The following RAB7B variants were observed in gnomAD, a reference collection of about 807,000 sequenced individuals.
The protein encoded by RAB7B is RAB7B, member RAS oncogene family.
intron 1 of RAB7B, among the ~76,000 whole-genome samples, chr1:205,996,143 A>AGTGTGTGTGTGT (rs1182397777): frequency 2.1e-5 from 3 of 142,904 alleles, no homozygotes; most frequent in Admixed American, 7.0e-5. Flanking sequence ...GTAAATGTAT[A>AGTGTGTGTGTGT]GTGTGTGTGT....
rs1660520207 is a variant in RAB7B at position 205,982,825 on chromosome 1, TA to T, written c.522+2714del. 2.6e-5 allele frequency among the ~76,000 whole-genome samples: 4 copies of T among 152,234 alleles called. No homozygotes were observed. The South Asian group carries it at 8.3e-4, about 32-fold the overall frequency. Reference sequence around the variant, plus strand: ...TCCCTGGGAAGGAAGGCAAGTTCCTTATAGGAAATGCCTCTGAAAACTTTTC... The same window carrying T: ...TCCCTGGGAAGGAAGGCAAGTTCCTTTAGGAAATGCCTCTGAAAACTTTTC... On this transcript the variant is annotated intron_variant, in intron 5 of 5. Transcript: ENST00000617070.
chr1:205,980,733 G>T (rs1349411380), intron 5 of RAB7B, among the ~76,000 whole-genome samples: 8 of 152,182 alleles, frequency 5.3e-5, no homozygotes, highest in African/African-American at 1.9e-4. Flanking sequence ...AAAGAACTGG[G>T]CCTCTAGGCA....
chr1:205,988,000 C>T (rs1660643629), intron 4 of RAB7B, among the ~76,000 whole-genome samples: 1 of 152,098 alleles, frequency 6.6e-6, no homozygotes, highest in Non-Finnish European at 1.5e-5. Flanking sequence ...CCACCTCAGC[C>T]TCCCATAGTG....
chr1:206,001,920 C>T (rs1396973099), intron 1 of RAB7B, among the ~76,000 whole-genome samples: 1 of 152,174 alleles, frequency 6.6e-6, no homozygotes, highest in Non-Finnish European at 1.5e-5. Flanking sequence ...AACCTGAAAC[C>T]AGGTACAATC....
intron 1 of RAB7B, among the ~76,000 whole-genome samples, chr1:205,999,116 A>G (rs906825772): frequency 2.6e-5 from 4 of 152,324 alleles, no homozygotes; most frequent in African/African-American, 9.6e-5. Context: ...GCCTTGCTCC[A>G]TAGTGCCCCT....
rs1660737076 is a variant in RAB7B, at chr1:205,992,497, C to T, written c.379G>A (p.Asp127Asn). 7.5e-6 allele frequency: 3 copies of T among 398,630 alleles called. 1 individual carries two copies. Among genetic ancestry groups the T allele is most frequent in the South Asian group, 2.5e-4 (2 of 7,850 alleles). The allele number at this position is 398,630 out of a possible 1,614,324, so 24.7% of individuals were successfully genotyped here. ...AACAGTACCTTCCGGTCTGCCAGATCGATCTTGTTCCCCAACAACACCATG... is the reference window on the plus strand; with the variant it reads ...AACAGTACCTTCCGGTCTGCCAGATTGATCTTGTTCCCCAACAACACCATG... ...YPMVLLGNKI[D>N]LADRKVPQEV... Residue 127 changes from aspartate (D) to asparagine (N), a missense_variant, in exon 4 of 6, where the codon GAT becomes AAT. Physicochemically the swap from Asp to Asn is conservative, Grantham distance 23. Coordinates refer to ENST00000617070, the MANE Select transcript of RAB7B (RefSeq NM_001164522.3).
intron 5 of RAB7B, 117 bp downstream of exon 5, chr1:205,985,423 G>A: frequency 2.5e-6 from 1 of 397,128 alleles, no homozygotes; most frequent in Non-Finnish European, 4.4e-6. Flanking sequence ...GAGACGATGA[G>A]CAATCCTGTC....
rs1207509191 is a variant in RAB7B at position 205,993,560 on chromosome 1, C to T, written c.54-14G>A. The T allele has an allele frequency of 2.5e-5, 10 of 398,444 alleles. No homozygotes were observed. The highest frequency in any genetic ancestry group is 4.0e-5 in the Non-Finnish European group (9 of 226,056). 24.7% of individuals were successfully genotyped at this position (398,444 alleles called of 1,614,324 possible). A position where few individuals can be genotyped will look rare whatever the true frequency, so the allele number is the denominator to read the frequency against. ...GTCTTTCCCACACTGAGGAAAATTC[C>T]AGACACATGTGAACACACACATGCA... On this transcript the variant is annotated splice_polypyrimidine_tract_variant and intron_variant, in intron 2 of 5. Coordinates refer to ENST00000617070, the MANE Select transcript of RAB7B (RefSeq NM_001164522.3).
At chr1:205,994,045 G>C in intron 2 of RAB7B, 38 bp downstream of exon 2, 1 of 398,606 alleles carries the variant, frequency 2.5e-6, no homozygotes, top group Non-Finnish European at 4.4e-6. Flanking sequence ...CTTGGGTGAG[G>C]GGCTGCTTCC....
intron 5 of RAB7B, among the ~76,000 whole-genome samples, chr1:205,981,239 A>G (rs1401223332): frequency 6.6e-6 from 1 of 152,162 alleles, no homozygotes; most frequent in African/African-American, 2.4e-5. Flanking sequence ...TCACCACCCC[A>G]TATCTTCCAA....
rs1660408234 is a variant in RAB7B at position 205,977,642 on chromosome 1, T to C, written c.*1209A>G. 6.6e-6 allele frequency: 1 copy of C among 152,180 alleles called. No homozygotes were observed. Among genetic ancestry groups the C allele is most frequent in the East Asian group, 1.9e-4 (1 of 5,194 alleles). The allele number at this position is 152,180 out of a possible 1,614,324, so 9.4% of individuals were successfully genotyped here. On this transcript the variant is annotated 3_prime_UTR_variant, in exon 6 of 6. Transcript: ENST00000617070. Reference sequence around the variant, plus strand: ...GAGCTGGGTCCCCTTTGCTTTGTCTTTGGGACAGCAGCTTTGAGTATTAGG... The same window carrying C: ...GAGCTGGGTCCCCTTTGCTTTGTCTCTGGGACAGCAGCTTTGAGTATTAGG...
At chr1:205,981,013 ACCTTAGCCTC>A (rs1268758152) in intron 5 of RAB7B, among the ~76,000 whole-genome samples, 15 of 151,434 alleles carry the variant, frequency 9.9e-5, no homozygotes, top group Non-Finnish European at 1.9e-4. Flanking sequence ...TGATCCTCCC[ACCTTAGCCTC>A]CCAAGTAGCT....
At chr1:205,985,737 C>CCCCACCAGGCCCACCAGGCCCACCAGG (rs1660582387) in intron 4 of RAB7B, 72 bp from the exon 5 acceptor site, 3 of 61,900 alleles carry the variant, frequency 4.8e-5, no homozygotes, top group Non-Finnish European at 9.8e-5. Flanking sequence ...ACCATCACAT[C>CCCCACCAGGCCCACCAGGCCCACCAGG]CCCACCATCC....
rs1007045138 is a variant in RAB7B, at chr1:205,986,021, A to G, written c.397-356T>C. ...CACAGGCCTGGCGGAATTACAGCCC[A>G]CTGCACTTTGTTGCCTTCCTAAGGC... On this transcript the variant is annotated intron_variant, in intron 4 of 5. Coordinates refer to ENST00000617070, the MANE Select transcript of RAB7B (RefSeq NM_001164522.3). Among the ~76,000 whole-genome samples, 94 of 152,382 alleles carry G rather than the reference A, an allele frequency of 6.2e-4. No individual in the cohort carries two copies. In the East Asian group the frequency reaches 8.3e-3, roughly 13 times the overall value.
At chr1:205,992,874 C>T (rs1660749231) in intron 3 of RAB7B, among the ~76,000 whole-genome samples, 179 bp from the exon 4 acceptor site, 2 of 152,276 alleles carry the variant, frequency 1.3e-5, no homozygotes, top group East Asian at 1.9e-4. Flanking sequence ...CACTCCAGCA[C>T]CTTTGTGGTA....
chr1:205,979,766 G>A (rs1349462128), intron 5 of RAB7B, among the ~76,000 whole-genome samples: 1 of 152,202 alleles, frequency 6.6e-6, no homozygotes, highest in East Asian at 1.9e-4. Context: ...CGTGGAAGGG[G>A]TTTGTGCTAC....
At chr1:205,987,741 C>T (rs929596171) in intron 4 of RAB7B, among the ~76,000 whole-genome samples, 92 of 152,162 alleles carry the variant, frequency 6.0e-4, no homozygotes, top group African/African-American at 2.1e-3. Context: ...TTCTAATAAA[C>T]TATTTTTTTT....
intron 4 of RAB7B, among the ~76,000 whole-genome samples, chr1:205,990,938 C>G (rs1660711442): frequency 6.6e-6 from 1 of 151,980 alleles, no homozygotes; most frequent in Non-Finnish European, 1.5e-5. Flanking sequence ...CAGATGCCCA[C>G]CACCACGTAT....
intron 1 of RAB7B, among the ~76,000 whole-genome samples, chr1:205,996,943 C>T (rs1660819516): frequency 6.6e-6 from 1 of 152,188 alleles, no homozygotes; most frequent in Non-Finnish European, 1.5e-5. Flanking sequence ...TAATCACCTC[C>T]CACAAGGTCT....
Sources: gnomAD v4.1 joint callset for allele counts (sites outside exome capture counted in the v4.1 genomes callset) on GRCh38, gnomAD v4.1.1 for gene constraint, MANE v1.5 for transcripts, NCBI Gene and HGNC (gene_info 2026-07-23, HGNC 2026-07-21) for gene names.